Variants in LRMDA observed in about 807,000 individuals in gnomAD.
LRMDA encodes leucine-rich melanocyte differentiation-associated protein.
LRMDA carries 18 observed loss-of-function variants against 29.8 expected under a neutral mutation model. That is an observed-to-expected ratio of 0.60 (90% confidence interval 0.42 to 0.90). The LOEUF (loss-of-function observed/expected upper bound fraction) is 0.90, where lower values mean the gene tolerates loss of function less well. LRMDA is among the 40% of genes least tolerant of loss of function. The probability of loss-of-function intolerance (pLI) is 0.00; values close to 1 mark genes in which losing one functional copy is unlikely to be tolerated. For missense variants in LRMDA, 273 were observed against 273.9 expected (o/e 1.00, Z 0.02); for synonymous variants, 125 against 109.4 (o/e 1.14, Z -0.89).
chr10:76,320,030 T>G (rs1338894548), intron 5 of LRMDA, among the ~76,000 whole-genome samples: 2 of 152,346 alleles, frequency 1.3e-5, no homozygotes, highest in East Asian at 3.9e-4. Flanking sequence ...TCCACCGGAC[T>G]GTAGTTTTTC....
At position 75,945,121 on chromosome 10, in the gene LRMDA, A is replaced by G. The variant is rs2132413709; in HGVS notation, c.132-90887A>G. 1.3e-5 allele frequency among the ~76,000 whole-genome samples: 2 copies of G among 152,258 alleles called. 1 individual carries two copies. The highest frequency in any genetic ancestry group is 4.1e-4 in the South Asian group (2 of 4,828). On this transcript the variant is annotated intron_variant, in intron 2 of 6. Coordinates refer to ENST00000611255, the MANE Select transcript of LRMDA (RefSeq NM_001305581.2). ...ACACTGATAGATTGCAATTTCTGGTATTACCTTTCCCTCCTCCCCACTTTT... is the reference window on the plus strand; with the variant it reads ...ACACTGATAGATTGCAATTTCTGGTGTTACCTTTCCCTCCTCCCCACTTTT...
At chr10:75,864,119 G>T (rs913966549) in intron 2 of LRMDA, among the ~76,000 whole-genome samples, 2 of 152,146 alleles carry the variant, frequency 1.3e-5, no homozygotes, top group Non-Finnish European at 2.9e-5. Flanking sequence ...AACTTTTAAC[G>T]GGGCAAGGTC....
At chr10:76,143,229 A>G (rs1382654878) in intron 5 of LRMDA, among the ~76,000 whole-genome samples, 1 of 152,186 alleles carries the variant, frequency 6.6e-6, no homozygotes, top group Non-Finnish European at 1.5e-5. Flanking sequence ...GCTGGGTCAA[A>G]TGGCATTTCT....
chr10:76,530,511 G>A (rs1451422827), intron 6 of LRMDA, among the ~76,000 whole-genome samples: 1 of 152,124 alleles, frequency 6.6e-6, no homozygotes, highest in Non-Finnish European at 1.5e-5. Context: ...ATCAAGTGAT[G>A]AGAATAATCT....
chr10:76,221,809 A>G (rs1159623597), intron 5 of LRMDA, among the ~76,000 whole-genome samples: 1 of 152,176 alleles, frequency 6.6e-6, no homozygotes, highest in African/African-American at 2.4e-5. Flanking sequence ...CCACATCGCC[A>G]AGTCAATCCT....
At chr10:75,828,367 C>T (rs1311003529) in intron 2 of LRMDA, among the ~76,000 whole-genome samples, 1 of 152,122 alleles carries the variant, frequency 6.6e-6, no homozygotes, top group Non-Finnish European at 1.5e-5. Flanking sequence ...CAGGCATTTT[C>T]TTTACTGAGG....
chr10:76,363,155 A>G (rs1416594963), intron 6 of LRMDA, among the ~76,000 whole-genome samples: 1 of 40,560 alleles, frequency 2.5e-5, no homozygotes, highest in Non-Finnish European at 5.2e-5. Context: ...GAAAGAAAGA[A>G]AGAAAGAAAG....
At chr10:76,245,168 A>T (rs780398738) in intron 5 of LRMDA, among the ~76,000 whole-genome samples, 64 of 152,164 alleles carry the variant, frequency 4.2e-4, no homozygotes, top group Admixed American at 7.2e-4. Context: ...AGAAAATTTT[A>T]AAAAATATTG....
intron 5 of LRMDA, among the ~76,000 whole-genome samples, chr10:76,151,575 A>G (rs1850445679): frequency 6.6e-6 from 1 of 152,194 alleles, no homozygotes; most frequent in African/African-American, 2.4e-5. Flanking sequence ...TGGGGGAGGA[A>G]AAAAATATAT....
chr10:75,892,569 T>C (rs533911386), intron 2 of LRMDA, among the ~76,000 whole-genome samples: 40 of 152,362 alleles, frequency 2.6e-4, no homozygotes, highest in African/African-American at 9.4e-4. Context: ...ATTATCCAGA[T>C]TTCCTTGCTA....
intron 2 of LRMDA, chr10:75,552,636 C>T (rs1422627871): frequency 2.4e-5 from 10 of 409,356 alleles, no homozygotes; most frequent in Middle Eastern, 5.0e-4. Flanking sequence ...TTGGAAAATT[C>T]GTAGCTATTA....
At chr10:75,565,282 A>G (rs982592098) in intron 2 of LRMDA, among the ~76,000 whole-genome samples, 1 of 152,140 alleles carries the variant, frequency 6.6e-6, no homozygotes, top group African/African-American at 2.4e-5. Context: ...TTAAGAATAG[A>G]GTTTCCATTT....
intron 2 of LRMDA, among the ~76,000 whole-genome samples, chr10:75,531,712 T>C (rs1287230832): frequency 1.3e-5 from 2 of 152,108 alleles, no homozygotes; most frequent in Admixed American, 1.3e-4. Flanking sequence ...ATACAAGAAA[T>C]GAGACATACA....
intron 5 of LRMDA, among the ~76,000 whole-genome samples, chr10:76,267,665 C>T (rs1450840193): frequency 6.6e-6 from 1 of 152,148 alleles, no homozygotes; most frequent in African/African-American, 2.4e-5. Context: ...CTTTTGATGG[C>T]TGAATAATAT....
chr10:75,873,664 A>G (rs188435601), intron 2 of LRMDA, among the ~76,000 whole-genome samples: 293 of 152,356 alleles, frequency 1.9e-3, no homozygotes, highest in Non-Finnish European at 3.5e-3. Flanking sequence ...TATACTCTGT[A>G]TATGAAGATT....
chr10:75,506,624 G>A (rs1589163658), intron 2 of LRMDA, among the ~76,000 whole-genome samples: 1 of 152,182 alleles, frequency 6.6e-6, no homozygotes, highest in South Asian at 2.1e-4. Flanking sequence ...TGGGTTGGTT[G>A]TAGGCTTGGT....
chr10:76,161,009 A>G (rs1397890368), intron 5 of LRMDA, among the ~76,000 whole-genome samples: 1 of 152,278 alleles, frequency 6.6e-6, no homozygotes, highest in Non-Finnish European at 1.5e-5. Context: ...ACTCATTCCA[A>G]CTTTTATGAT....
chr10:76,174,965 C>T (rs1850906349), intron 5 of LRMDA, among the ~76,000 whole-genome samples: 2 of 152,070 alleles, frequency 1.3e-5, no homozygotes. Context: ...TACTAAAATA[C>T]AAAAAATTAG....
chr10:76,184,567 A>C (rs1006095767), intron 5 of LRMDA, among the ~76,000 whole-genome samples: 1 of 152,230 alleles, frequency 6.6e-6, no homozygotes, highest in African/African-American at 2.4e-5. Flanking sequence ...AATGGGCAGG[A>C]AAAAGTAATA....
Sources: gnomAD v4.1 joint callset for allele counts (sites outside exome capture counted in the v4.1 genomes callset) on GRCh38, gnomAD v4.1.1 for gene constraint, MANE v1.5 for transcripts, NCBI Gene and HGNC (gene_info 2026-07-23, HGNC 2026-07-21) for gene names.